The following SMURF2 variants were observed in gnomAD, a reference collection of about 807,000 sequenced individuals.
The protein encoded by SMURF2 is E3 ubiquitin-protein ligase SMURF2.
A neutral mutation model predicts 109.6 loss-of-function variants in SMURF2; 48 were observed. The observed-to-expected ratio is 0.44, with a 90% CI of 0.35 to 0.56. The LOEUF is 0.56. Among genes scored for constraint, SMURF2 ranks in the 20% least tolerant of loss-of-function variants. The pLI, the probability that SMURF2 is intolerant of heterozygous loss-of-function variation, is 0.01. For missense variants in SMURF2, 575 were observed against 909.0 expected, an observed-to-expected ratio of 0.63 and a Z score of 4.72; for synonymous variants, 288 against 317.1, an observed-to-expected ratio of 0.91 and a Z score of 0.97.
At chr17:64,567,281 A>G (rs910291739) in intron 10 of SMURF2, among the ~76,000 whole-genome samples, 6 of 152,226 alleles carry the variant, frequency 3.9e-5, no homozygotes, top group Non-Finnish European at 8.8e-5. Flanking sequence ...AAACTTCCAG[A>G]TAATGCAAAT....
At chr17:64,606,955 T>C (rs143860776) in intron 1 of SMURF2, among the ~76,000 whole-genome samples, 1 of 152,240 alleles carries the variant, frequency 6.6e-6, no homozygotes, top group East Asian at 1.9e-4. Context: ...GGAAAAATAG[T>C]TCAAAGGAGA....
At chr17:64,632,247 C>T (rs111925134) in intron 1 of SMURF2, among the ~76,000 whole-genome samples, 1,812 of 152,222 alleles carry the variant, frequency 0.012, 10 homozygotes, top group Non-Finnish European at 0.018. Context: ...GCATAAGCCA[C>T]CACCTCTTTT....
intron 1 of SMURF2, among the ~76,000 whole-genome samples, chr17:64,630,167 C>T (rs1449588707): frequency 3.3e-5 from 5 of 151,484 alleles, no homozygotes; most frequent in Non-Finnish European, 5.9e-5. Flanking sequence ...ACCTGGGAGG[C>T]GGAGGTTGTG....
rs1555684524 is a variant in SMURF2, at chr17:64,561,584, A to G, written c.1232T>C (p.Met411Thr). The change falls in exon 12 of 19, where the codon ATG becomes ACG. Residue 411 changes from methionine to threonine, a missense_variant. Met to Thr is a moderately conservative substitution (Grantham distance 81). Around this residue, in one of 5 missense-constraint regions of SMURF2, gnomAD observed 361 missense variants for 612.1 expected, o/e 0.59. Coordinates refer to ENST00000262435, the MANE Select transcript of SMURF2 (RefSeq NM_022739.4). ...EIFEESYRQV[M>T]KMRPKDLWKR... ...CCAGAGATCTTTTGGTCTCATTTTC[A>G]TGACCTGTCGATATGATTCCTGAAA... The G allele has an allele frequency of 6.2e-7, 1 of 1,612,850 alleles. No homozygotes were observed. Among genetic ancestry groups the G allele is most frequent in the Admixed American group, 1.7e-5 (1 of 60,010 alleles).
intron 1 of SMURF2, among the ~76,000 whole-genome samples, chr17:64,627,490 C>T (rs182295083): frequency 3.9e-5 from 6 of 152,256 alleles, no homozygotes; most frequent in Admixed American, 3.9e-4. Flanking sequence ...AGTTGAGAAA[C>T]AGATTAAAAC....
intron 17 of SMURF2, among the ~76,000 whole-genome samples, chr17:64,546,959 T>C (rs1482612963): frequency 1.3e-5 from 2 of 152,266 alleles, no homozygotes; most frequent in African/African-American, 4.8e-5. Flanking sequence ...AGTGTCGCTT[T>C]GTGTGTCCTT....
chr17:64,632,000 C>A (rs1258685684), intron 1 of SMURF2, among the ~76,000 whole-genome samples: 1 of 146,056 alleles, frequency 6.8e-6, no homozygotes, highest in Non-Finnish European at 1.5e-5. Flanking sequence ...GCACACTCGC[C>A]CACGCTGAGT....
At chr17:64,588,121 T>C (rs1555687296) in intron 5 of SMURF2, among the ~76,000 whole-genome samples, 3 of 143,968 alleles carry the variant, frequency 2.1e-5, no homozygotes. Flanking sequence ...ATGTTTATGA[T>C]AAATTTAAAC....
intron 1 of SMURF2, among the ~76,000 whole-genome samples, chr17:64,621,247 A>G (rs1970196927): frequency 6.6e-6 from 1 of 152,226 alleles, no homozygotes; most frequent in Admixed American, 6.5e-5. Flanking sequence ...TTGAAAACAC[A>G]GGCCACAAGC....
chr17:64,556,851 CTT>C (rs1969126939), intron 13 of SMURF2, among the ~76,000 whole-genome samples: 1 of 152,086 alleles, frequency 6.6e-6, no homozygotes, highest in Admixed American at 6.6e-5. Context: ...AACCTTTTAT[CTT>C]GTTTTTGTTT....
chr17:64,642,644 C>G (rs1206291436), intron 1 of SMURF2, among the ~76,000 whole-genome samples: 4 of 152,102 alleles, frequency 2.6e-5, no homozygotes, highest in African/African-American at 9.7e-5. Context: ...TCAGCCATCC[C>G]TTTTTAAAAC....
chr17:64,567,027 C>T (rs181281947), intron 10 of SMURF2, among the ~76,000 whole-genome samples: 15 of 151,706 alleles, frequency 9.9e-5, no homozygotes, highest in African/African-American at 3.1e-4. Context: ...TGCACCACCA[C>T]GCCTACTTTT....
At chr17:64,598,569 CA>C in intron 2 of SMURF2, 79 bp from the exon 3 acceptor site, 1 of 1,177,668 alleles carries the variant, frequency 8.5e-7, no homozygotes, top group East Asian at 2.7e-5. Flanking sequence ...CCATTTGCTA[CA>C]AAAGATTATT....
chr17:64,579,765 T>C (rs1188243965), intron 8 of SMURF2, among the ~76,000 whole-genome samples: 4 of 152,164 alleles, frequency 2.6e-5, no homozygotes, highest in African/African-American at 9.7e-5. Flanking sequence ...TTTTCCTCTA[T>C]AGAGGATAAA....
At chr17:64,591,055 AT>A in intron 5 of SMURF2, 28 bp downstream of exon 5, 3 of 1,583,140 alleles carry the variant, frequency 1.9e-6, no homozygotes, top group Non-Finnish European at 1.7e-6. Flanking sequence ...TGAAACCAAA[AT>A]TCATGTAACT....
intron 9 of SMURF2, among the ~76,000 whole-genome samples, chr17:64,574,351 T>C (rs905185906): frequency 6.6e-6 from 1 of 152,216 alleles, no homozygotes; most frequent in Non-Finnish European, 1.5e-5. Flanking sequence ...AACACAGATC[T>C]GTATTTCAAG....
rs561135765 is a variant in SMURF2, at chr17:64,607,399, G to A, written c.53-759C>T. On this transcript the variant is annotated intron_variant, in intron 1 of 18. Coordinates refer to ENST00000262435, the MANE Select transcript of SMURF2 (RefSeq NM_022739.4). ...TCCCAGCACTTTGGGAGGCCGAGGC[G>A]GGCGGATCACAATGTCAGGAGTTCG... 1.1e-3 allele frequency among the ~76,000 whole-genome samples: 163 copies of A among 152,088 alleles called. 1 individual carries two copies. The highest frequency in any genetic ancestry group is 2.0e-3 in the Non-Finnish European group (135 of 67,982).
chr17:64,639,532 G>A (rs1410790604), intron 1 of SMURF2, among the ~76,000 whole-genome samples: 1 of 151,842 alleles, frequency 6.6e-6, no homozygotes, highest in Admixed American at 6.6e-5. Context: ...AATTGAGATC[G>A]CACCACTGCA....
At chr17:64,609,459 A>G (rs1360319139) in intron 1 of SMURF2, among the ~76,000 whole-genome samples, 2 of 152,210 alleles carry the variant, frequency 1.3e-5, no homozygotes, top group African/African-American at 2.4e-5. Context: ...GGCCTCAGAA[A>G]TAACACCACA....
Sources: gnomAD v4.1 joint callset for allele counts (sites outside exome capture counted in the v4.1 genomes callset) on GRCh38, gnomAD v4.1.1 for gene constraint, gnomAD v4.1.1 regional missense constraint, MANE v1.5 for transcripts, NCBI Gene and HGNC (gene_info 2026-07-23, HGNC 2026-07-21) for gene names.